Variants in CSRNP3 observed in about 807,000 individuals in gnomAD.
The protein encoded by CSRNP3 is cysteine and serine rich nuclear protein 3.
In CSRNP3, 12 loss-of-function variants were observed where a neutral mutation model predicts 48.0. The observed-to-expected ratio is 0.25, with a 90% CI of 0.16 to 0.41. The LOEUF is 0.41. Among genes scored for constraint, CSRNP3 ranks in the 10% least tolerant of loss-of-function variants. CSRNP3 has a pLI of 1.00. For missense variants in CSRNP3, 580 were observed against 724.4 expected (o/e 0.80, Z 2.29); for synonymous variants, 263 against 269.7 (o/e 0.98, Z 0.24).
chr2:165,559,796 C>CTTTTTTTTTTTT (rs11313094), intron 3 of CSRNP3, among the ~76,000 whole-genome samples: 1 of 98,424 alleles, frequency 1.0e-5, no homozygotes, highest in African/African-American at 4.0e-5. Context: ...TTCTTTCTTT[C>CTTTTTTTTTTTT]TTTTTTTTTT....
chr2:165,676,492 G>A lies in CSRNP3; in HGVS notation c.589G>A (p.Glu197Lys). The stretch of plus-strand genomic sequence containing the variant: ...CTCTGGAGTGAAAAAGATTGACGTG[G>A]AAGAAAAGCACGAACTCCGAGCCAT... ...RASGVKKIDV[E>K]EKHELRAIRL... The change falls in exon 6 of 7, where the codon GAA (glutamate) becomes AAA (lysine). Residue 197 changes from glutamate to lysine, a missense_variant. Transcript: ENST00000651982. 6.2e-7 allele frequency: 1 copy of A among 1,614,156 alleles called. No individual in the cohort carries two copies. Among genetic ancestry groups the A allele is most frequent in the Non-Finnish European group, 8.5e-7 (1 of 1,179,996 alleles).
At chr2:165,620,385 C>A (rs1309888831) in intron 4 of CSRNP3, among the ~76,000 whole-genome samples, 2 of 152,022 alleles carry the variant, frequency 1.3e-5, no homozygotes, top group African/African-American at 2.4e-5. Flanking sequence ...ATTACAGGTC[C>A]AAAGTGGCTA....
chr2:165,502,557 A>C (rs1034089688), intron 2 of CSRNP3, among the ~76,000 whole-genome samples: 2 of 152,100 alleles, frequency 1.3e-5, no homozygotes, highest in African/African-American at 4.8e-5. Context: ...ATCATAGTTA[A>C]AAGGGTATTG....
At chr2:165,594,770 C>A (rs1685781187) in intron 3 of CSRNP3, among the ~76,000 whole-genome samples, 1 of 151,714 alleles carries the variant, frequency 6.6e-6, no homozygotes, top group South Asian at 2.1e-4. Flanking sequence ...TCTCAATTTG[C>A]CAATAAAAAG....
chr2:165,519,989 T>C (rs571348650), intron 3 of CSRNP3, among the ~76,000 whole-genome samples: 4 of 152,284 alleles, frequency 2.6e-5, no homozygotes, highest in African/African-American at 9.6e-5. Flanking sequence ...ATACAACACC[T>C]GATGGTAAGT....
intron 4 of CSRNP3, among the ~76,000 whole-genome samples, chr2:165,616,564 A>G (rs905781984): frequency 6.6e-6 from 1 of 152,176 alleles, no homozygotes; most frequent in Non-Finnish European, 1.5e-5. Flanking sequence ...TTATAAAAAC[A>G]CTTTGAATAT....
chr2:165,553,087 A>T (rs1685118564), intron 3 of CSRNP3, among the ~76,000 whole-genome samples: 1 of 151,928 alleles, frequency 6.6e-6, no homozygotes, highest in African/African-American at 2.4e-5. Flanking sequence ...GTTACATTTC[A>T]TTTTTTTCCT....
intron 5 of CSRNP3, among the ~76,000 whole-genome samples, chr2:165,671,197 A>T (rs1687322449): frequency 6.6e-6 from 1 of 152,224 alleles, no homozygotes; most frequent in Admixed American, 6.5e-5. Context: ...TTAATGCATG[A>T]AATAAGGATG....
At chr2:165,488,493 AT>A (rs1684154035) in intron 1 of CSRNP3, among the ~76,000 whole-genome samples, 1 of 118,854 alleles carries the variant, frequency 8.4e-6, no homozygotes, top group African/African-American at 3.3e-5. Context: ...CAGAATATAC[AT>A]TTTTTTCAGC....
chr2:165,593,006 T>C (rs867668828), intron 3 of CSRNP3, among the ~76,000 whole-genome samples: 39 of 151,780 alleles, frequency 2.6e-4, no homozygotes, highest in African/African-American at 9.4e-4. Context: ...TTTCACCGTT[T>C]TAGCCGGGAT....
At chr2:165,530,650 A>AT (rs1265992186) in intron 3 of CSRNP3, among the ~76,000 whole-genome samples, 6 of 151,960 alleles carry the variant, frequency 3.9e-5, no homozygotes, top group Non-Finnish European at 8.8e-5. Flanking sequence ...CCTCTCTAGG[A>AT]TTTTTTTCCT....
chr2:165,668,719 T>C (rs1470196567), intron 5 of CSRNP3, among the ~76,000 whole-genome samples: 1 of 152,134 alleles, frequency 6.6e-6, no homozygotes, highest in Non-Finnish European at 1.5e-5. Context: ...TATTTCTGAG[T>C]GAGCTATTTC....
intron 4 of CSRNP3, among the ~76,000 whole-genome samples, chr2:165,609,946 C>G (rs1375694943): frequency 6.6e-6 from 1 of 152,168 alleles, no homozygotes; most frequent in Non-Finnish European, 1.5e-5. Context: ...AGTATTTATT[C>G]TTTCTATTCT....
At chr2:165,517,660 TC>T (rs1375291695) in intron 2 of CSRNP3, among the ~76,000 whole-genome samples, 23 of 152,080 alleles carry the variant, frequency 1.5e-4, no homozygotes, top group African/African-American at 5.1e-4. Flanking sequence ...TATGTATGGA[TC>T]ATTAGAAATT....
chr2:165,623,750 A>G (rs1415652250), intron 4 of CSRNP3, among the ~76,000 whole-genome samples: 11 of 152,196 alleles, frequency 7.2e-5, no homozygotes, highest in Admixed American at 7.2e-4. Context: ...GTGTACAGTC[A>G]CTGAGGACTC....
intron 3 of CSRNP3, among the ~76,000 whole-genome samples, chr2:165,557,246 A>G (rs1472431934): frequency 1.3e-5 from 2 of 152,236 alleles, no homozygotes; most frequent in South Asian, 2.1e-4. Context: ...ATTGGAACAC[A>G]GACACATTCA....
rs1485344905 is a variant in CSRNP3, at chr2:165,687,758, G to A, written c.*8005G>A. 1 of 152,066 alleles carries A rather than the reference G, an allele frequency of 6.6e-6. No homozygotes were observed. Among genetic ancestry groups the A allele is most frequent in the Non-Finnish European group, 1.5e-5 (1 of 68,002 alleles). 9.4% of individuals were successfully genotyped at this position (152,066 alleles called of 1,614,324 possible). ...ACAAGGCCTGAAAACGAAGGGAGGT[G>A]TCGTGGAGAAATGGTGATTTTTCTG... On this transcript the variant is annotated 3_prime_UTR_variant, in exon 7 of 7. Transcript: ENST00000651982.
At chr2:165,620,450 A>G (rs1686320554) in intron 4 of CSRNP3, among the ~76,000 whole-genome samples, 1 of 152,178 alleles carries the variant, frequency 6.6e-6, no homozygotes, top group South Asian at 2.1e-4. Context: ...TTGATATTAA[A>G]AAGGAACCTC....
chr2:165,579,793 A>G (rs1475201110), intron 3 of CSRNP3, among the ~76,000 whole-genome samples: 1 of 152,210 alleles, frequency 6.6e-6, no homozygotes, highest in Non-Finnish European at 1.5e-5. Context: ...TTTCCAAAAG[A>G]AATTTAGAAA....
Sources: gnomAD v4.1 joint callset for allele counts (sites outside exome capture counted in the v4.1 genomes callset) on GRCh38, gnomAD v4.1.1 for gene constraint, MANE v1.5 for transcripts, NCBI Gene and HGNC (gene_info 2026-07-23, HGNC 2026-07-21) for gene names.